The following RGS6 variants were observed in gnomAD, a reference collection of about 807,000 sequenced individuals.
RGS6 encodes regulator of G-protein signaling 6.
Under a neutral mutation model 78.5 loss-of-function variants are expected in RGS6, and 30 were observed. The ratio of observed to expected loss-of-function variants is 0.38; its 90% CI spans 0.29 to 0.52. The LOEUF (loss-of-function observed/expected upper bound fraction) is 0.52, where lower values mean the gene tolerates loss of function less well. Ranked by LOEUF, RGS6 falls within the 20% of genes least tolerant of loss-of-function variation. The pLI, the probability that RGS6 is intolerant of heterozygous loss-of-function variation, is 0.85. For synonymous variants in RGS6, 206 were observed against 206.0 expected (o/e 1.00, Z 0.00); for missense variants, 495 against 609.7 (o/e 0.81, Z 1.98).
At chr14:72,381,549 A>C (rs1035966037) in intron 3 of RGS6, among the ~76,000 whole-genome samples, 3 of 152,156 alleles carry the variant, frequency 2.0e-5, no homozygotes, top group African/African-American at 7.2e-5. Context: ...ACCATCTTTC[A>C]TGTGCTCTGA....
At chr14:72,550,524 G>T (rs2097489992) in intron 17 of RGS6, 1 of 1,535,734 alleles carries the variant, frequency 6.5e-7, no homozygotes, top group African/African-American at 1.4e-5. Flanking sequence ...ACTGGGAAAT[G>T]GAGATGGAGC....
intron 2 of RGS6, among the ~76,000 whole-genome samples, chr14:72,235,324 C>T (rs1242813520): frequency 1.3e-5 from 2 of 152,184 alleles, no homozygotes; most frequent in Non-Finnish European, 2.9e-5. Context: ...AAACTCAGGG[C>T]ATGTTCTGGG....
intron 2 of RGS6, among the ~76,000 whole-genome samples, chr14:72,259,910 C>CAAAAAAAAAAAAAAAAAAAA: frequency 6.4e-4 from 44 of 68,396 alleles, no homozygotes; most frequent in African/African-American, 2.1e-3. Flanking sequence ...GACTCCGTCT[C>CAAAAAAAAAAAAAAAAAAAA]AAAAAAAAAA....
intron 2 of RGS6, among the ~76,000 whole-genome samples, chr14:72,328,861 C>CTTATT (rs983249694): frequency 6.6e-6 from 1 of 152,092 alleles, no homozygotes. Context: ...TATACTATTT[C>CTTATT]TTATTTTATT....
At position 72,495,237 on chromosome 14, in the gene RGS6, G is replaced by A. The variant is rs149826345; in HGVS notation, c.940G>A (p.Val314Ile). The A allele has an allele frequency of 2.9e-5, 47 of 1,612,726 alleles. No homozygotes were observed. Among genetic ancestry groups the A allele is most frequent in the Middle Eastern group, 1.6e-4 (1 of 6,078 alleles). The change falls in exon 13 of 18, where the codon GTT becomes ATT. Residue 314 changes from valine (V) to isoleucine (I), a missense_variant. Physicochemically the swap from Val to Ile is conservative, Grantham distance 29. Transcript: ENST00000553525. ...EPSNPWISDD[V>I]ALWDIEMSKE... is the part of the protein sequence containing the mutation. ...ATCCAACCCTTGGATCAGCGATGAC[G>A]TTGCTTTGTGGGACATAGAGATGAG...
intron 14 of RGS6, among the ~76,000 whole-genome samples, chr14:72,513,449 G>A (rs2096902973): frequency 1.3e-5 from 2 of 152,156 alleles, no homozygotes; most frequent in Admixed American, 1.3e-4. Flanking sequence ...GAAGCTGTGA[G>A]CTCTCTGTGG....
At chr14:71,948,057 C>CTGAGAATTCAGGCTTA (rs1162587085) in intron 1 of RGS6, among the ~76,000 whole-genome samples, 1 of 152,222 alleles carries the variant, frequency 6.6e-6, no homozygotes, top group Non-Finnish European at 1.5e-5. Context: ...ACCACATAAT[C>CTGAGAATTCAGGCTTA]TGAGAATTCA....
intron 2 of RGS6, among the ~76,000 whole-genome samples, chr14:71,994,030 C>G (rs2095084441): frequency 6.6e-6 from 1 of 151,676 alleles, no homozygotes; most frequent in Non-Finnish European, 1.5e-5. Context: ...ACTCCTTATC[C>G]TGCCAATTCA....
the RGS6 span, among the ~76,000 whole-genome samples, chr14:72,580,340 GC>G: frequency 1.5e-5 from 2 of 137,192 alleles, no homozygotes; most frequent in African/African-American, 3.0e-5. Context: ...CCACAGCTTT[GC>G]CCTGCAGGAG....
intron 2 of RGS6, among the ~76,000 whole-genome samples, chr14:72,266,969 C>G (rs774848058): frequency 3.3e-5 from 5 of 151,364 alleles, no homozygotes; most frequent in Non-Finnish European, 7.4e-5. Flanking sequence ...TTTATACTAC[C>G]CATGAGCTAA....
the RGS6 span, chr14:72,612,396 T>C: frequency 2.0e-6 from 1 of 500,570 alleles, no homozygotes; most frequent in Admixed American, 2.0e-5. Context: ...TATATTTTCA[T>C]GCTCTTGCTC....
At chr14:72,192,901 T>C (rs987235912) in intron 2 of RGS6, among the ~76,000 whole-genome samples, 1 of 152,072 alleles carries the variant, frequency 6.6e-6, no homozygotes, top group Non-Finnish European at 1.5e-5. Context: ...TTCACAGAAG[T>C]TTCATCAGTA....
chr14:72,177,620 G>C (rs1303930142), intron 2 of RGS6, among the ~76,000 whole-genome samples: 2 of 152,168 alleles, frequency 1.3e-5, no homozygotes, highest in South Asian at 2.1e-4. Flanking sequence ...TTCTAGTTTT[G>C]TCCTCTAGCA....
chr14:72,197,398 C>T (rs1051996212), intron 2 of RGS6, among the ~76,000 whole-genome samples: 2 of 152,136 alleles, frequency 1.3e-5, no homozygotes. Context: ...TATACCCATG[C>T]CAGAGTGCCT....
At chr14:72,271,712 A>G (rs754840589) in intron 2 of RGS6, among the ~76,000 whole-genome samples, 5 of 152,240 alleles carry the variant, frequency 3.3e-5, no homozygotes, top group Non-Finnish European at 7.3e-5. Context: ...ATGTAAATAT[A>G]TTATCCCACA....
chr14:71,951,362 C>A (rs1311733940), intron 1 of RGS6, among the ~76,000 whole-genome samples: 1 of 151,864 alleles, frequency 6.6e-6, no homozygotes, highest in Non-Finnish European at 1.5e-5. Flanking sequence ...ACAATGAGAA[C>A]CTGTAGAGAG....
chr14:72,410,209 A>G (rs1291482696), intron 3 of RGS6, among the ~76,000 whole-genome samples: 5 of 152,168 alleles, frequency 3.3e-5, no homozygotes, highest in African/African-American at 1.2e-4. Context: ...ATTTCTCCAC[A>G]TCCTCTCCAG....
rs2085440883 is a variant in RGS6 at position 72,010,447 on chromosome 14, C to G, written c.84+45572C>G. ...CAAAGTATACACTGAAAGTAGACTTCTTTGAGTCATTTACAGTTAAAAATT... is the reference window on the plus strand; with the variant it reads ...CAAAGTATACACTGAAAGTAGACTTGTTTGAGTCATTTACAGTTAAAAATT... On this transcript the variant is annotated intron_variant, in intron 2 of 17. Transcript: ENST00000553525. Among the ~76,000 whole-genome samples the G allele has an allele frequency of 2.0e-5, 3 of 152,252 alleles. No homozygotes were observed. The South Asian group carries it at 6.2e-4, about 32-fold the overall frequency.
At chr14:72,116,762 G>A (rs549293722) in intron 2 of RGS6, among the ~76,000 whole-genome samples, 4 of 151,966 alleles carry the variant, frequency 2.6e-5, no homozygotes, top group South Asian at 4.2e-4. Context: ...TTAGGAGTTC[G>A]AAACCAGCCT....
Sources: gnomAD v4.1 joint callset for allele counts (sites outside exome capture counted in the v4.1 genomes callset) on GRCh38, gnomAD v4.1.1 for gene constraint, MANE v1.5 for transcripts, NCBI Gene and HGNC (gene_info 2026-07-23, HGNC 2026-07-21) for gene names.